The following CADPS variants were observed in gnomAD, a reference collection of about 807,000 sequenced individuals.
The protein encoded by CADPS is calcium dependent secretion activator.
CADPS carries 57 observed loss-of-function variants against 167.3 expected under a neutral mutation model. The observed-to-expected ratio is 0.34, with a 90% CI of 0.28 to 0.42. The LOEUF (loss-of-function observed/expected upper bound fraction) is 0.42. Ranked by LOEUF, CADPS falls within the 20% of genes least tolerant of loss-of-function variation. CADPS has a pLI of 1.00. For synonymous variants in CADPS, 676 were observed against 635.3 expected (o/e 1.06, Z -0.96); for missense variants, 1,414 against 1,738.1 (o/e 0.81, Z 3.32).
intron 6 of CADPS, among the ~76,000 whole-genome samples, chr3:62,632,025 C>T (rs2065378806): frequency 1.3e-5 from 2 of 152,150 alleles, no homozygotes; most frequent in South Asian, 4.1e-4. Context: ...CCTGGGTAAA[C>T]TAGAATGATT....
At chr3:62,866,819 T>G (rs2081781353) in intron 1 of CADPS, among the ~76,000 whole-genome samples, 1 of 152,048 alleles carries the variant, frequency 6.6e-6, no homozygotes, top group Non-Finnish European at 1.5e-5. Context: ...TTTTTTCTCT[T>G]ACAATGCTTA....
intron 6 of CADPS, among the ~76,000 whole-genome samples, chr3:62,628,419 T>C (rs556707568): frequency 6.6e-6 from 1 of 152,332 alleles, no homozygotes; most frequent in Non-Finnish European, 1.5e-5. Flanking sequence ...ATGAATTTTT[T>C]TGAATGTCAG....
intron 1 of CADPS, among the ~76,000 whole-genome samples, chr3:62,775,080 C>G (rs1576235024): frequency 6.6e-6 from 1 of 152,002 alleles, no homozygotes; most frequent in Non-Finnish European, 1.5e-5. Context: ...CTCTGTCACT[C>G]AGGCTGGAGT....
At position 62,874,433 on chromosome 3, in the gene CADPS, C is replaced by T. The variant is rs538036710; in HGVS notation, c.441+156G>A. 6.6e-6 allele frequency among the ~76,000 whole-genome samples: 1 copy of T among 152,214 alleles called. No homozygotes were observed. The highest frequency in any genetic ancestry group is 2.1e-4 in the South Asian group (1 of 4,834). ...TGGGTTGGGCTGGGCCTGGGCGAGC[C>T]CGGCCGCTGGGAGGGGGCCTCGTAG... is the stretch of plus-strand genomic sequence containing the variant. On this transcript the variant is annotated intron_variant, in intron 1 of 29. Coordinates refer to ENST00000383710, the MANE Select transcript of CADPS (RefSeq NM_003716.4). The surrounding 1 kb of genome is among the most constrained non-coding windows in gnomAD (Gnocchi z 7.1).
intron 1 of CADPS, among the ~76,000 whole-genome samples, chr3:62,850,084 T>G (rs1307583071): frequency 9.4e-6 from 1 of 106,508 alleles, no homozygotes; most frequent in Non-Finnish European, 2.1e-5. Flanking sequence ...TGTAGTATTC[T>G]CTGATGGTAG....
In CADPS at chr3:62,433,517, G is replaced by A. The variant is rs1051297458; in HGVS notation, c.3777+4587C>T. On this transcript the variant is annotated intron_variant, in intron 28 of 29. Coordinates refer to ENST00000383710, the MANE Select transcript of CADPS (RefSeq NM_003716.4). The surrounding 1 kb of genome is among the most constrained non-coding windows in gnomAD (Gnocchi z 4.7). The stretch of plus-strand genomic sequence containing the variant: ...CTTAATCCTCCAGAAGGCAGATTAA[G>A]TGTATAATTGACCTATATAATCCAT... Among the ~76,000 whole-genome samples, 2 of 152,182 alleles carry A rather than the reference G, an allele frequency of 1.3e-5. No homozygotes were observed. Among genetic ancestry groups the A allele is most frequent in the Non-Finnish European group, 2.9e-5 (2 of 68,036 alleles).
At chr3:62,712,318 C>G (rs2083556136) in intron 3 of CADPS, among the ~76,000 whole-genome samples, 1 of 152,146 alleles carries the variant, frequency 6.6e-6, no homozygotes, top group South Asian at 2.1e-4. Context: ...TTCCCCCCAG[C>G]AAGGTGTGAG....
chr3:62,517,902 A>T (rs956849722), intron 14 of CADPS, among the ~76,000 whole-genome samples: 1 of 152,178 alleles, frequency 6.6e-6, no homozygotes, highest in African/African-American at 2.4e-5. Flanking sequence ...TTTGTAATAG[A>T]TTGTTGACCA....
At chr3:62,631,518 C>CA (rs2065270803) in intron 6 of CADPS, among the ~76,000 whole-genome samples, 2 of 152,278 alleles carry the variant, frequency 1.3e-5, no homozygotes, top group Admixed American at 1.3e-4. Context: ...TGCTTCCACG[C>CA]AAGATCCTGC....
chr3:62,872,457 G>T (rs1444337926), intron 1 of CADPS, among the ~76,000 whole-genome samples: 1 of 152,122 alleles, frequency 6.6e-6, no homozygotes, highest in Non-Finnish European at 1.5e-5. Context: ...ATAGCCAAAA[G>T]CTCTGGGATA....
At chr3:62,413,269 T>G (rs1221776117) in intron 28 of CADPS, among the ~76,000 whole-genome samples, 1 of 152,094 alleles carries the variant, frequency 6.6e-6, no homozygotes, top group Non-Finnish European at 1.5e-5. Flanking sequence ...GTGGAACTTT[T>G]GAGTATAGAT....
At chr3:62,705,768 T>C (rs749543608) in intron 3 of CADPS, among the ~76,000 whole-genome samples, 7 of 152,136 alleles carry the variant, frequency 4.6e-5, no homozygotes, top group Non-Finnish European at 7.4e-5. Context: ...ACCTTTGTGA[T>C]TGTGTGAGTC....
intron 8 of CADPS, among the ~76,000 whole-genome samples, chr3:62,583,155 GTCTCTCTCTCTCTCTCTC>G (rs61474581): frequency 6.8e-6 from 1 of 147,178 alleles, no homozygotes; most frequent in Non-Finnish European, 1.5e-5. Flanking sequence ...TACCCTCTTT[GTCTCTCTCTCTCTCTCTC>G]TCTCTCTCTC....
intron 3 of CADPS, among the ~76,000 whole-genome samples, chr3:62,715,027 G>A (rs980210227): frequency 2.6e-5 from 4 of 152,252 alleles, no homozygotes; most frequent in South Asian, 4.1e-4. Flanking sequence ...GCATCATAAC[G>A]GTTTCCTGCC....
In CADPS at chr3:62,516,631, T is replaced by A. The variant is rs753350272; in HGVS notation, c.2406A>T (p.Pro802=). ...NQITHFRYCF[P]FGRPEGALKA... is the part of the protein sequence containing the mutation. ...TCAAAGCACCTTCAGGTCGACCAAA[T>A]GGAAAGCAATACCTAAAAAAGACAA... The change falls in exon 15 of 30, where the codon CCA becomes CCT. Residue 802 remains proline (P), a synonymous_variant. Transcript: ENST00000383710. 76 of 1,603,092 alleles carry A rather than the reference T, an allele frequency of 4.7e-5. No homozygotes were observed. Among genetic ancestry groups the A allele is most frequent in the Admixed American group, 2.0e-4 (12 of 59,478 alleles).
At chr3:62,663,305 A>G (rs2073724520) in intron 3 of CADPS, among the ~76,000 whole-genome samples, 1 of 152,158 alleles carries the variant, frequency 6.6e-6, no homozygotes, top group Non-Finnish European at 1.5e-5. Flanking sequence ...CTATATTCTA[A>G]TAGAATTTTA....
At chr3:62,814,492 A>C (rs562400512) in intron 1 of CADPS, 154 of 152,290 alleles carry the variant, frequency 1.0e-3, no homozygotes, top group Middle Eastern at 6.8e-3. Flanking sequence ...TCATATAAAA[A>C]TTTCTTTTAC....
At chr3:62,827,340 G>A (rs963584176) in intron 1 of CADPS, among the ~76,000 whole-genome samples, 4 of 152,156 alleles carry the variant, frequency 2.6e-5, no homozygotes, top group Non-Finnish European at 5.9e-5. Context: ...TACCTTATGG[G>A]GGATGAACAA....
chr3:62,502,531 T>G (rs773953363), intron 17 of CADPS, among the ~76,000 whole-genome samples: 1 of 152,228 alleles, frequency 6.6e-6, no homozygotes, highest in Non-Finnish European at 1.5e-5. Context: ...TTGAAAATGT[T>G]GCATATGTCA....
Sources: allele counts gnomAD v4.1 joint callset (sites outside exome capture counted in the v4.1 genomes callset), GRCh38; gene constraint gnomAD v4.1.1; non-coding constraint Gnocchi (gnomAD v3.1); transcripts MANE v1.5; gene names NCBI Gene and HGNC (gene_info 2026-07-23, HGNC 2026-07-21).